The following NRXN3 variants were observed in gnomAD, a reference collection of about 807,000 sequenced individuals.
NRXN3 encodes the protein neurexin III.
In NRXN3, 32 loss-of-function variants were observed where a neutral mutation model predicts 137.6. The observed-to-expected ratio is 0.23, with a 90% CI of 0.18 to 0.31. The LOEUF (loss-of-function observed/expected upper bound fraction) is 0.31. Ranked by LOEUF, NRXN3 falls within the 10% of genes least tolerant of loss-of-function variation. NRXN3 has a pLI of 1.00. For missense variants in NRXN3, 1,574 were observed against 2,062.5 expected (o/e 0.76, Z 4.59); for synonymous variants, 798 against 784.5 (o/e 1.02, Z -0.29).
chr14:79,676,777 C>T (rs2154006302), intron 17 of NRXN3, among the ~76,000 whole-genome samples: 1 of 151,940 alleles, frequency 6.6e-6, no homozygotes, highest in South Asian at 2.1e-4. Flanking sequence ...TTTTTATTTA[C>T]AAAATAGGGA....
intron 4 of NRXN3, among the ~76,000 whole-genome samples, chr14:78,391,141 T>G (rs1598147303): frequency 6.6e-6 from 1 of 152,206 alleles, no homozygotes; most frequent in Non-Finnish European, 1.5e-5. Context: ...CATAGTATTC[T>G]ATGGTGCATA....
chr14:79,270,221 G>T (rs945060328), intron 15 of NRXN3, among the ~76,000 whole-genome samples: 1 of 152,208 alleles, frequency 6.6e-6, no homozygotes, highest in Non-Finnish European at 1.5e-5. Context: ...CTGCCTTGCA[G>T]TGAATCTTTG....
chr14:79,849,443 A>G (rs2099387176), intron 20 of NRXN3, among the ~76,000 whole-genome samples: 1 of 152,188 alleles, frequency 6.6e-6, no homozygotes, highest in Admixed American at 6.5e-5. Flanking sequence ...AAAATAGACA[A>G]AGTAACCCGA....
intron 16 of NRXN3, among the ~76,000 whole-genome samples, chr14:79,594,962 G>A (rs535558239): frequency 5.3e-5 from 8 of 152,204 alleles, no homozygotes; most frequent in African/African-American, 7.2e-5. Context: ...AAGATTAATC[G>A]TGTATAAACT....
chr14:78,860,699 A>C (rs2099070092), intron 10 of NRXN3, among the ~76,000 whole-genome samples: 1 of 152,152 alleles, frequency 6.6e-6, no homozygotes, highest in Non-Finnish European at 1.5e-5. Context: ...ATATTAAGAA[A>C]ATGTTATTAA....
chr14:79,607,493 G>A (rs1345102959), intron 16 of NRXN3, among the ~76,000 whole-genome samples: 1 of 152,198 alleles, frequency 6.6e-6, no homozygotes, highest in Non-Finnish European at 1.5e-5. Context: ...CACAGAGGAA[G>A]CAGAGAAATT....
intron 19 of NRXN3, among the ~76,000 whole-genome samples, chr14:79,738,710 C>T (rs954337360): frequency 1.3e-5 from 2 of 152,104 alleles, no homozygotes; most frequent in African/African-American, 2.4e-5. Flanking sequence ...AGGTGCTCAC[C>T]ACCACGCCCA....
At chr14:79,552,535 T>G (rs1369594531) in intron 16 of NRXN3, among the ~76,000 whole-genome samples, 2 of 152,150 alleles carry the variant, frequency 1.3e-5, no homozygotes, top group Admixed American at 1.3e-4. Context: ...TTTATTAACA[T>G]GCAGATGTGC....
At chr14:78,175,684 G>A (rs1207220659) in intron 1 of NRXN3, among the ~76,000 whole-genome samples, 1 of 152,138 alleles carries the variant, frequency 6.6e-6, no homozygotes, top group Middle Eastern at 3.4e-3. Context: ...TGCTGGGCTC[G>A]GGGCAGGTTG....
At chr14:79,094,234 C>T (rs1258467500) in intron 15 of NRXN3, among the ~76,000 whole-genome samples, 1 of 152,132 alleles carries the variant, frequency 6.6e-6, no homozygotes, top group South Asian at 2.1e-4. Flanking sequence ...GTAGAGCTAA[C>T]CCCTGAATTG....
intron 15 of NRXN3, among the ~76,000 whole-genome samples, chr14:79,458,494 T>C (rs1309466308): frequency 6.6e-6 from 1 of 152,176 alleles, no homozygotes; most frequent in Non-Finnish European, 1.5e-5. Context: ...TGAAGATATG[T>C]AAGCATAGGT....
chr14:78,892,359 A>C (rs905464144), intron 10 of NRXN3, among the ~76,000 whole-genome samples: 2 of 151,968 alleles, frequency 1.3e-5, no homozygotes, highest in Non-Finnish European at 2.9e-5. Flanking sequence ...AATAAAGTCA[A>C]AGAGAAGAGA....
chr14:78,702,451 C>CTTTTCTTTTTTTTTTTTTTT lies in NRXN3; in HGVS notation c.1222-6764_1222-6763insTTCTTTTTTTTTTTTTTTTT, dbSNP rs151197180. 2.4e-4 allele frequency among the ~76,000 whole-genome samples: 30 copies of CTTTTCTTTTTTTTTTTTTTT among 122,696 alleles called. 5 individuals carry two copies. Among genetic ancestry groups the CTTTTCTTTTTTTTTTTTTTT allele is most frequent in the African/African-American group, 4.0e-4 (13 of 32,752 alleles). 80.5% of individuals were successfully genotyped at this position (122,696 alleles called of 152,430 possible). A position where few individuals can be genotyped will look rare whatever the true frequency, so the allele number is the denominator to read the frequency against. On this transcript the variant is annotated intron_variant, in intron 6 of 20. Coordinates refer to ENST00000335750, the MANE Select transcript of NRXN3 (RefSeq NM_001330195.2). ...AAGAGAGAATCTTTCTTTTTCTTTT[C>CTTTTCTTTTTTTTTTTTTTT]TTATTTTTTTTGAGATGGAGTCTCA...
intron 16 of NRXN3, among the ~76,000 whole-genome samples, chr14:79,636,295 G>A (rs966636996): frequency 3.3e-5 from 5 of 152,170 alleles, no homozygotes; most frequent in Non-Finnish European, 5.9e-5. Flanking sequence ...GTACGATGGT[G>A]CCCCTAATCA....
At chr14:79,100,849 G>T (rs921670537) in intron 15 of NRXN3, among the ~76,000 whole-genome samples, 1 of 152,202 alleles carries the variant, frequency 6.6e-6, no homozygotes. Context: ...GTACTTCTGG[G>T]CTCATTAACC....
At chr14:79,279,510 C>G in intron 15 of NRXN3, 1 of 986,342 alleles carries the variant, frequency 1.0e-6, no homozygotes, top group African/African-American at 1.7e-5. Context: ...CTCCCTCCAC[C>G]CCGTGCCACG....
intron 8 of NRXN3, among the ~76,000 whole-genome samples, chr14:78,792,651 T>C (rs558169934): frequency 2.0e-5 from 3 of 152,324 alleles, no homozygotes; most frequent in East Asian, 1.9e-4. Context: ...GATCAAGTCA[T>C]TGGACTTCAA....
At chr14:79,606,124 A>G (rs530266614) in intron 16 of NRXN3, among the ~76,000 whole-genome samples, 1 of 152,284 alleles carries the variant, frequency 6.6e-6, no homozygotes, top group South Asian at 2.1e-4. Context: ...AAATTAACAA[A>G]TGTCTGTTTT....
intron 6 of NRXN3, among the ~76,000 whole-genome samples, chr14:78,702,831 C>G (rs957517539): frequency 1.3e-5 from 2 of 152,128 alleles, no homozygotes; most frequent in African/African-American, 2.4e-5. Flanking sequence ...TAATAGTGAT[C>G]GCCATCACTT....
Sources: gnomAD v4.1 joint callset for allele counts (sites outside exome capture counted in the v4.1 genomes callset) on GRCh38, gnomAD v4.1.1 for gene constraint, MANE v1.5 for transcripts, NCBI Gene and HGNC (gene_info 2026-07-23, HGNC 2026-07-21) for gene names.